IQGAP2: variants seen among roughly 807,000 people sequenced by gnomAD.
The protein encoded by IQGAP2 is ras GTPase-activating-like protein IQGAP2.
In IQGAP2, 173 loss-of-function variants were observed where a neutral mutation model predicts 201.3. The observed-to-expected ratio is 0.86, with a 90% CI of 0.76 to 0.98. The LOEUF (loss-of-function observed/expected upper bound fraction) is 0.98. Ranked by LOEUF, IQGAP2 falls within the 50% of genes least tolerant of loss-of-function variation. The pLI is 0.00. For missense variants in IQGAP2, 1,687 were observed against 1,864.8 expected, an observed-to-expected ratio of 0.90 and a Z score of 1.76; for synonymous variants, 675 against 673.9, an observed-to-expected ratio of 1.00 and a Z score of -0.03.
At chr5:76,520,838 G>A (rs1342710716) in intron 2 of IQGAP2, among the ~76,000 whole-genome samples, 5 of 151,786 alleles carry the variant, frequency 3.3e-5, no homozygotes, top group African/African-American at 4.8e-5. Flanking sequence ...CTCCCGAGTG[G>A]ATGGGATTAC....
chr5:76,681,936 A>G (rs896201276), intron 28 of IQGAP2, among the ~76,000 whole-genome samples: 2 of 152,236 alleles, frequency 1.3e-5, no homozygotes, highest in Non-Finnish European at 2.9e-5. Context: ...ACATGGAGGA[A>G]CCTTGAAGAC....
chr5:76,674,837 C>G, intron 27 of IQGAP2, 128 bp downstream of exon 27: 1 of 671,692 alleles, frequency 1.5e-6, no homozygotes, highest in East Asian at 2.7e-5. Context: ...ATTTCTTCTA[C>G]CAGCCACTGG....
chr5:76,675,558 T>C (rs1309705535), intron 27 of IQGAP2, among the ~76,000 whole-genome samples: 1 of 152,194 alleles, frequency 6.6e-6, no homozygotes, highest in Non-Finnish European at 1.5e-5. Context: ...ATGAGTCTGG[T>C]AGTCAGATTC....
At position 76,592,880 on chromosome 5, in the gene IQGAP2, C is replaced by A. The variant is rs1275498369; in HGVS notation, c.862C>A (p.Leu288Met). The A allele has an allele frequency of 5.0e-6, 8 of 1,612,544 alleles. No individual in the cohort carries two copies. Among genetic ancestry groups the A allele is most frequent in the Non-Finnish European group, 6.8e-6 (8 of 1,178,802 alleles). The change falls in exon 9 of 36, where the codon CTG (leucine) becomes ATG (methionine). Residue 288 changes from leucine (L) to methionine (M), a missense_variant. Physicochemically the swap from Leu to Met is conservative, Grantham distance 15 (BLOSUM62 2). Transcript: ENST00000274364. ...AGAAGAAAGAGATGCTTATGAAGAA[C>A]TGCTGACACAAGCAGAAATCCAAGG... ...SEEERDAYEE[L>M]LTQAEIQGNI...
At chr5:76,674,381 A>G in intron 26 of IQGAP2, 96 bp from the exon 27 acceptor site, 1 of 681,966 alleles carries the variant, frequency 1.5e-6, no homozygotes, top group Non-Finnish European at 2.5e-6. Flanking sequence ...TCTCTTGGGA[A>G]ATGTAGGAGA....
rs34954 is a variant in IQGAP2, at chr5:76,702,376, C to G, written c.4506-106C>G. The G allele has an allele frequency of 0.1, 61,757 of 620,140 alleles. 5,019 individuals are homozygous for G. Among genetic ancestry groups the G allele is most frequent in the East Asian group, 0.39 (13,494 of 34,400 alleles). The allele number at this position is 620,140 out of a possible 1,614,324, so 38.4% of individuals were successfully genotyped here. ...GGTGACTTCCTTAGGATTTTCTCAA[C>G]AAGCCATTATTTAAAAATGATTATT... is the stretch of plus-strand genomic sequence containing the variant. On this transcript the variant is annotated intron_variant, in intron 34 of 35. Transcript: ENST00000274364.
At chr5:76,561,529 G>A (rs1331395511) in intron 2 of IQGAP2, among the ~76,000 whole-genome samples, 2 of 152,162 alleles carry the variant, frequency 1.3e-5, no homozygotes, top group Non-Finnish European at 2.9e-5. Flanking sequence ...TAGCTGGGTG[G>A]CAGGGAGGCT....
chr5:76,624,888 A>G (rs1226999566), intron 13 of IQGAP2, among the ~76,000 whole-genome samples: 2 of 152,166 alleles, frequency 1.3e-5, no homozygotes, highest in Admixed American at 6.5e-5. Context: ...AGCCTGACCA[A>G]CATGGTGAAA....
chr5:76,680,791 A>AT (rs756645375), intron 28 of IQGAP2, among the ~76,000 whole-genome samples: 22 of 139,538 alleles, frequency 1.6e-4, no homozygotes, highest in Non-Finnish European at 6.1e-5. Context: ...ACCTTGTCTC[A>AT]TTTAAAAAAA....
intron 1 of IQGAP2, among the ~76,000 whole-genome samples, chr5:76,432,345 G>A (rs959044373): frequency 1.3e-5 from 2 of 151,934 alleles, no homozygotes; most frequent in African/African-American, 2.4e-5. Flanking sequence ...GGCTGGTCTC[G>A]AACTCCTGAC....
intron 2 of IQGAP2, among the ~76,000 whole-genome samples, chr5:76,490,611 G>A (rs1024207878): frequency 2.2e-4 from 34 of 152,134 alleles, no homozygotes; most frequent in Non-Finnish European, 3.4e-4. Context: ...CAAGTGGGGC[G>A]GCCTGGCCAA....
At chr5:76,618,402 A>AG in intron 13 of IQGAP2, 1 of 1,614,184 alleles carries the variant, frequency 6.2e-7, no homozygotes, top group South Asian at 1.1e-5. Context: ...AAACACCAGG[A>AG]GGTAGATGGC....
intron 7 of IQGAP2, among the ~76,000 whole-genome samples, chr5:76,589,931 A>G (rs542688179): frequency 6.6e-6 from 1 of 152,342 alleles, no homozygotes; most frequent in African/African-American, 2.4e-5. Flanking sequence ...TTCTACTTGT[A>G]CAACATGAAT....
At chr5:76,660,301 G>A (rs1479228362) in intron 21 of IQGAP2, 2 of 152,126 alleles carry the variant, frequency 1.3e-5, no homozygotes, top group East Asian at 3.9e-4. Context: ...TAAATATTCA[G>A]GAATAAAACT....
chr5:76,673,341 T>C (rs1010641707), intron 24 of IQGAP2, 108 bp from the exon 25 acceptor site: 2 of 1,138,210 alleles, frequency 1.8e-6, no homozygotes, highest in East Asian at 2.5e-5. Flanking sequence ...CTGGAGTCAG[T>C]GGCAAAGTCC....
chr5:76,616,321 G>A (rs891651103), intron 13 of IQGAP2: 1 of 152,492 alleles, frequency 6.6e-6, no homozygotes, highest in African/African-American at 2.4e-5. Flanking sequence ...GAGGCAGAGT[G>A]GAGATATAGC....
In IQGAP2 at chr5:76,600,985, T is replaced by C. The variant is rs1040589861; in HGVS notation, c.1232+13T>C. ...CATATGTGGAACGGTAAGGAACATTTTCCAAACCTTCTTTCAATGCAGAAA... is the reference window on the plus strand; with the variant it reads ...CATATGTGGAACGGTAAGGAACATTCTCCAAACCTTCTTTCAATGCAGAAA... On this transcript the variant is annotated intron_variant, in intron 11 of 35. Coordinates refer to ENST00000274364, the MANE Select transcript of IQGAP2 (RefSeq NM_006633.5). The C allele has an allele frequency of 3.7e-6, 6 of 1,606,164 alleles. No homozygotes were observed. The highest frequency in any genetic ancestry group is 4.3e-6 in the Non-Finnish European group (5 of 1,173,932).
chr5:76,449,117 CTT>C (rs1270191340), intron 1 of IQGAP2, among the ~76,000 whole-genome samples: 2 of 152,180 alleles, frequency 1.3e-5, no homozygotes, highest in African/African-American at 4.8e-5. Flanking sequence ...GAATGGCCCT[CTT>C]AGCTGTGTCC....
chr5:76,440,499 A>G (rs1752963856), intron 1 of IQGAP2, among the ~76,000 whole-genome samples: 1 of 152,254 alleles, frequency 6.6e-6, no homozygotes, highest in Non-Finnish European at 1.5e-5. Flanking sequence ...AAATGAGCAT[A>G]GAGCTTCTAG....
Sources: allele counts gnomAD v4.1 joint callset (sites outside exome capture counted in the v4.1 genomes callset), GRCh38; gene constraint gnomAD v4.1.1; transcripts MANE v1.5; gene names NCBI Gene and HGNC (gene_info 2026-07-23, HGNC 2026-07-21).